Variants in LSMEM1 observed in about 807,000 individuals in gnomAD.
The protein encoded by LSMEM1 is leucine-rich single-pass membrane protein 1.
Under a neutral mutation model 11.3 loss-of-function variants are expected in LSMEM1, and 10 were observed. The observed-to-expected ratio is 0.89, with a 90% CI of 0.55 to 1.50. The LOEUF is 1.50. Ranked by LOEUF, LSMEM1 falls within the 40% of genes most tolerant of loss-of-function variation. LSMEM1 has a pLI of 0.00. For missense variants in LSMEM1, 151 were observed against 152.9 expected (o/e 0.99, Z 0.06); for synonymous variants, 65 against 59.3 (o/e 1.10, Z -0.44).
At chr7:112,485,033 G>A (rs1019072132) in intron 2 of LSMEM1, 90 bp downstream of exon 2, 13 of 1,385,874 alleles carry the variant, frequency 9.4e-6, no homozygotes, top group Middle Eastern at 2.2e-4. Flanking sequence ...GGGTGTGGTG[G>A]AGGGGGAGGG....
At position 112,490,072 on chromosome 7, in the gene LSMEM1, AC is replaced by A; in HGVS notation, c.*127del. The stretch of plus-strand genomic sequence containing the variant: ...AACAGATGATCTGGTCAGGCAACCC[AC>A]CCCTGGGGCCCACTTTCTGCAGCAA... On this transcript the variant is annotated 3_prime_UTR_variant, in exon 4 of 4. Transcript: ENST00000312849. The A allele has an allele frequency of 8.8e-7, 1 of 1,136,634 alleles. No homozygotes were observed. 70.4% of individuals were successfully genotyped at this position (1,136,634 alleles called of 1,614,324 possible). A position where few individuals can be genotyped will look rare whatever the true frequency, so the allele number is the denominator to read the frequency against.
chr7:112,489,788 C>CA (rs1479521551), intron 3 of LSMEM1, 22 bp from the exon 4 acceptor site: 15 of 1,604,610 alleles, frequency 9.3e-6, no homozygotes, highest in Middle Eastern at 1.7e-4. Context: ...CAATGTAACA[C>CA]AGTCTGTTTT....
intron 1 of LSMEM1, among the ~76,000 whole-genome samples, chr7:112,483,769 T>TTTACCTCGCCGAGCTTCCA (rs1272900670): frequency 1.9e-4 from 29 of 152,188 alleles, no homozygotes; most frequent in African/African-American, 6.5e-4. Context: ...ATCCTGGGCA[T>TTTACCTCGCCGAGCTTCCA]TTACCTCGCC....
intron 2 of LSMEM1, among the ~76,000 whole-genome samples, chr7:112,485,191 C>T (rs530055326): frequency 9.2e-5 from 14 of 152,228 alleles, no homozygotes; most frequent in South Asian, 2.1e-4. Context: ...GATCCTGTGG[C>T]GTTTCTGTCC....
chr7:112,482,064 C>T (rs1796042110), intron 1 of LSMEM1, among the ~76,000 whole-genome samples: 1 of 152,242 alleles, frequency 6.6e-6, no homozygotes, highest in Non-Finnish European at 1.5e-5. Context: ...CCTTTACTAG[C>T]AGCCTCATGA....
chr7:112,483,947 T>C, intron 1 of LSMEM1, among the ~76,000 whole-genome samples: 1 of 152,260 alleles, frequency 6.6e-6, no homozygotes, highest in Non-Finnish European at 1.5e-5. Flanking sequence ...CATAATTAAA[T>C]GGCCACAAGT....
upstream of LSMEM1, among the ~76,000 whole-genome samples, chr7:112,480,682 T>A (rs1796014245): frequency 6.6e-6 from 1 of 152,146 alleles, no homozygotes; most frequent in South Asian, 2.1e-4. Flanking sequence ...AGGCGGCCGA[T>A]GAGATGGAGT....
chr7:112,490,077 TGG>T lies in LSMEM1; in HGVS notation c.*131_*132del. On this transcript the variant is annotated 3_prime_UTR_variant, in exon 4 of 4. Transcript: ENST00000312849. ...ATGATCTGGTCAGGCAACCCACCCC[TGG>T]GGCCCACTTTCTGCAGCAAGATGGG... is the stretch of plus-strand genomic sequence containing the variant. 9.6e-7 allele frequency: 1 copy of T among 1,037,088 alleles called. No individual in the cohort carries two copies. The highest frequency in any genetic ancestry group is 1.4e-6 in the Non-Finnish European group (1 of 729,794). 64.2% of individuals were successfully genotyped at this position (1,037,088 alleles called of 1,614,324 possible).
chr7:112,481,408 T>C (rs1796031164), intron 1 of LSMEM1, 62 bp downstream of exon 1: 2 of 152,482 alleles, frequency 1.3e-5, no homozygotes, highest in South Asian at 2.1e-4. Flanking sequence ...GTCTGGGAAG[T>C]TTTTGTTGCA....
chr7:112,487,949 G>A (rs879770175), intron 3 of LSMEM1, among the ~76,000 whole-genome samples: 25 of 152,306 alleles, frequency 1.6e-4, no homozygotes, highest in Non-Finnish European at 2.9e-4. Flanking sequence ...GCCTTTGGAA[G>A]GGCTCTAATT....
chr7:112,488,300 C>T (rs752501098), intron 3 of LSMEM1, among the ~76,000 whole-genome samples: 1 of 152,140 alleles, frequency 6.6e-6, no homozygotes, highest in African/African-American at 2.4e-5. Context: ...AGAGCACATG[C>T]GCTAGTATTC....
rs1796025004 is a variant in LSMEM1, at chr7:112,481,139, G to A, written c.-213G>A. The A allele has an allele frequency of 3.2e-6, 1 of 309,838 alleles. No homozygotes were observed. Among genetic ancestry groups the A allele is most frequent in the Non-Finnish European group, 6.3e-6 (1 of 158,500 alleles). 19.2% of individuals were successfully genotyped at this position (309,838 alleles called of 1,614,324 possible). Reference sequence around the variant, plus strand: ...CAGGATTTGGAATCTTACACTGCTTGGCTAAATTGACACAATATAGACCAA... The same window carrying A: ...CAGGATTTGGAATCTTACACTGCTTAGCTAAATTGACACAATATAGACCAA... On this transcript the variant is annotated 5_prime_UTR_variant, in exon 1 of 4. Coordinates refer to ENST00000312849, the MANE Select transcript of LSMEM1 (RefSeq NM_182597.3).
chr7:112,489,900 T>A lies in LSMEM1; in HGVS notation c.347T>A (p.Ile116Asn), dbSNP rs777142820. 1 of 1,614,074 alleles carries A rather than the reference T, an allele frequency of 6.2e-7. No homozygotes were observed. Among genetic ancestry groups the A allele is most frequent in the Non-Finnish European group, 8.5e-7 (1 of 1,180,000 alleles). The change falls in exon 4 of 4, where the codon ATC (isoleucine) becomes AAC (asparagine). Residue 116 changes from isoleucine (I) to asparagine (N), a missense_variant. Physicochemically the swap from Ile to Asn is moderately radical, Grantham distance 149. Coordinates refer to ENST00000312849, the MANE Select transcript of LSMEM1 (RefSeq NM_182597.3). ...IDDLKRINNM[I>N]VKRLNQLNQL... ...GATCTTAAGAGAATCAATAACATGA[T>A]CGTAAAGCGACTCAACCAACTCAAC...
intron 1 of LSMEM1, among the ~76,000 whole-genome samples, chr7:112,483,111 T>C (rs894063508): frequency 3.9e-5 from 6 of 151,964 alleles, no homozygotes; most frequent in African/African-American, 7.3e-5. Context: ...ATACTTTTTT[T>C]CCCCACATCT....
intron 3 of LSMEM1, among the ~76,000 whole-genome samples, chr7:112,488,682 C>T (rs1796183810): frequency 6.6e-6 from 1 of 152,026 alleles, no homozygotes; most frequent in Non-Finnish European, 1.5e-5. Flanking sequence ...CACTGCAATG[C>T]CACCTCCAGG....
In LSMEM1 at chr7:112,485,634, T is replaced by C. The variant is rs1418259366; in HGVS notation, c.127+691T>C. Among the ~76,000 whole-genome samples the C allele has an allele frequency of 2.0e-5, 3 of 152,168 alleles. No homozygotes were observed. The East Asian group carries it at 5.8e-4, about 29-fold the overall frequency. ...AAATCCTTTCCAAGTTCCTCCTTTTTTTCTTCATTTTAATAAGTTCAAATT... is the reference window on the plus strand; with the variant it reads ...AAATCCTTTCCAAGTTCCTCCTTTTCTTCTTCATTTTAATAAGTTCAAATT... On this transcript the variant is annotated intron_variant, in intron 2 of 3. Transcript: ENST00000312849.
intron 3 of LSMEM1, among the ~76,000 whole-genome samples, chr7:112,488,745 A>T (rs1796184696): frequency 6.6e-6 from 1 of 152,022 alleles, no homozygotes; most frequent in Non-Finnish European, 1.5e-5. Context: ...TACAGGTGTG[A>T]GCCGCCATGC....
intron 1 of LSMEM1, among the ~76,000 whole-genome samples, chr7:112,482,366 A>G (rs1796048413): frequency 6.6e-6 from 1 of 152,192 alleles, no homozygotes; most frequent in Non-Finnish European, 1.5e-5. Context: ...TTTTGTGGCC[A>G]TGATTTTCTA....
intron 3 of LSMEM1, 133 bp from the exon 4 acceptor site, chr7:112,489,677 T>C (rs1796200219): frequency 3.1e-6 from 3 of 965,742 alleles, no homozygotes; most frequent in Admixed American, 5.5e-5. Context: ...GCTTCTGGCA[T>C]GCATGGATAT....
Sources: allele counts gnomAD v4.1 joint callset (sites outside exome capture counted in the v4.1 genomes callset), GRCh38; gene constraint gnomAD v4.1.1; transcripts MANE v1.5; gene names NCBI Gene and HGNC (gene_info 2026-07-23, HGNC 2026-07-21).